NCAM2: variants seen among roughly 807,000 people sequenced by gnomAD.
NCAM2 encodes N-CAM-2.
In NCAM2, 30 loss-of-function variants were observed where a neutral mutation model predicts 98.1. The observed-to-expected ratio is 0.31, with a 90% confidence interval of 0.23 to 0.41. The LOEUF (loss-of-function observed/expected upper bound fraction) is 0.41. NCAM2 is among the 10% of genes least tolerant of loss of function. The pLI is 1.00. For missense variants in NCAM2, 867 were observed against 1,005.8 expected, an observed-to-expected ratio of 0.86 and a Z score of 1.87; for synonymous variants, 368 against 342.4, an observed-to-expected ratio of 1.07 and a Z score of -0.83.
chr21:21,242,825 T>C (rs1220861412), intron 1 of NCAM2, among the ~76,000 whole-genome samples: 2 of 152,214 alleles, frequency 1.3e-5, no homozygotes, highest in African/African-American at 4.8e-5. Context: ...ATCCATTTCT[T>C]TGTTATTTGT....
At chr21:21,201,135 A>T (rs2069204600) in intron 1 of NCAM2, among the ~76,000 whole-genome samples, 1 of 152,294 alleles carries the variant, frequency 6.6e-6, no homozygotes, top group African/African-American at 2.4e-5. Context: ...AAGTGAAACA[A>T]CTTTCCCATT....
intron 10 of NCAM2, among the ~76,000 whole-genome samples, chr21:21,414,374 T>C (rs568138083): frequency 7.2e-5 from 11 of 152,206 alleles, no homozygotes; most frequent in Non-Finnish European, 1.6e-4. Flanking sequence ...TGAATCCTTT[T>C]CAGAAGATTT....
At chr21:21,086,886 T>C (rs1482022063) in intron 1 of NCAM2, among the ~76,000 whole-genome samples, 1 of 151,770 alleles carries the variant, frequency 6.6e-6, no homozygotes, top group East Asian at 1.9e-4. Context: ...TTTTATTCAG[T>C]GTACTTATTA....
rs1355254571 is a variant in NCAM2, at chr21:21,542,541, A to G, written c.*4584A>G. 5 of 151,834 alleles carry G rather than the reference A, an allele frequency of 3.3e-5. No homozygotes were observed. The highest frequency in any genetic ancestry group is 5.9e-5 in the Non-Finnish European group (4 of 67,862). The allele number at this position is 151,834 out of a possible 1,614,324, so 9.4% of individuals were successfully genotyped here. ...CTACTTATTTTTTTTCTTTTCTGAA[A>G]TGAAAACATGAATCTTTTGGCATCT... is the stretch of plus-strand genomic sequence containing the variant. On this transcript the variant is annotated 3_prime_UTR_variant, in exon 18 of 18. Transcript: ENST00000400546.
intron 15 of NCAM2, 40 bp from the exon 16 acceptor site, chr21:21,508,808 CTTT>C (rs764097299): frequency 1.4e-3 from 559 of 412,948 alleles, no homozygotes; most frequent in African/African-American, 6.3e-3. Flanking sequence ...ACTTTTTTTC[CTTT>C]TTTTTTTTTT....
intron 8 of NCAM2, among the ~76,000 whole-genome samples, chr21:21,363,804 G>A (rs936614781): frequency 1.3e-5 from 2 of 152,002 alleles, no homozygotes; most frequent in Non-Finnish European, 1.5e-5. Flanking sequence ...CCCACACTGG[G>A]AAGGTGTTTT....
chr21:21,328,579 TA>T (rs138944464), intron 6 of NCAM2, among the ~76,000 whole-genome samples: 29,435 of 142,924 alleles, frequency 0.21, 2,999 homozygotes, highest in East Asian at 0.25. Flanking sequence ...TATCTTCCTT[TA>T]AAAAAAAAAA....
rs1382568482 is a variant in NCAM2 at position 21,538,258 on chromosome 21, G to A, written c.*301G>A. 5.4e-6 allele frequency: 1 copy of A among 184,492 alleles called. No homozygotes were observed. Among genetic ancestry groups the A allele is most frequent in the East Asian group, 1.3e-4 (1 of 7,532 alleles). The allele number at this position is 184,492 out of a possible 1,614,324, so 11.4% of individuals were successfully genotyped here. A position where few individuals can be genotyped will look rare whatever the true frequency, so the allele number is the denominator to read the frequency against. ...TACTGGAATTTATTATGTGGCTAAA[G>A]TGCTCTATTTATTAAGAACTATATT... On this transcript the variant is annotated 3_prime_UTR_variant, in exon 18 of 18. Transcript: ENST00000400546.
intron 9 of NCAM2, among the ~76,000 whole-genome samples, chr21:21,384,647 T>G (rs2148111450): frequency 6.6e-6 from 1 of 152,098 alleles, no homozygotes; most frequent in African/African-American, 2.4e-5. Flanking sequence ...TACAAGATTA[T>G]TACCTTCTAA....
At chr21:21,352,013 A>G (rs114217554) in intron 8 of NCAM2, among the ~76,000 whole-genome samples, 1,905 of 151,886 alleles carry the variant, frequency 0.013, 35 homozygotes, top group African/African-American at 0.044. Context: ...GCCTCCTCAA[A>G]TGCTGGGATT....
intron 17 of NCAM2, among the ~76,000 whole-genome samples, chr21:21,536,614 TCCTGACCTCATGTGATCCGCCCG>T (rs1334779271): frequency 6.6e-6 from 1 of 152,122 alleles, no homozygotes; most frequent in Non-Finnish European, 1.5e-5. Context: ...GGTCTCCAAC[TCCTGACCTCATGTGATCCGCCCG>T]CCTTGGCCTC....
intron 8 of NCAM2, among the ~76,000 whole-genome samples, chr21:21,359,887 T>C (rs1383722520): frequency 6.6e-6 from 1 of 151,930 alleles, no homozygotes; most frequent in African/African-American, 2.4e-5. Flanking sequence ...AGGTATGTGG[T>C]ATTCTAGTGA....
At chr21:21,462,203 A>G (rs1162388971) in intron 12 of NCAM2, among the ~76,000 whole-genome samples, 1 of 152,042 alleles carries the variant, frequency 6.6e-6, no homozygotes, top group Non-Finnish European at 1.5e-5. Context: ...GTTGTTGCAC[A>G]GTACTTGACA....
At chr21:21,240,371 C>T (rs2071016077) in intron 1 of NCAM2, among the ~76,000 whole-genome samples, 1 of 108,222 alleles carries the variant, frequency 9.2e-6, no homozygotes, top group Non-Finnish European at 1.9e-5. Flanking sequence ...TGCTAAAATG[C>T]TAAAAAAAAA....
At chr21:21,163,855 CA>C (rs1238220487) in intron 1 of NCAM2, among the ~76,000 whole-genome samples, 16 of 152,104 alleles carry the variant, frequency 1.1e-4, no homozygotes, top group African/African-American at 3.6e-4. Context: ...GACTGAAATA[CA>C]ATGCTATTTT....
intron 1 of NCAM2, among the ~76,000 whole-genome samples, chr21:21,079,091 T>TG (rs1411179349): frequency 2.0e-5 from 3 of 152,106 alleles, no homozygotes; most frequent in African/African-American, 7.2e-5. Flanking sequence ...CATGCAGGGC[T>TG]TAAAACCTCG....
chr21:21,537,247 G>A (rs916961606), intron 17 of NCAM2, among the ~76,000 whole-genome samples: 7 of 151,710 alleles, frequency 4.6e-5, no homozygotes, highest in African/African-American at 7.3e-5. Context: ...TGGTTTCACC[G>A]TTTTGGCCAG....
intron 1 of NCAM2, among the ~76,000 whole-genome samples, chr21:21,112,090 TACA>T (rs904427288): frequency 1.3e-5 from 2 of 152,230 alleles, no homozygotes; most frequent in Non-Finnish European, 2.9e-5. Flanking sequence ...AATTCTTTCA[TACA>T]ACATTTTAGT....
intron 9 of NCAM2, among the ~76,000 whole-genome samples, chr21:21,382,333 T>G (rs1003246871): frequency 2.6e-5 from 4 of 152,108 alleles, no homozygotes; most frequent in African/African-American, 9.7e-5. Context: ...TACACATATG[T>G]TATACCCTTT....
Sources: gnomAD v4.1 joint callset for allele counts (sites outside exome capture counted in the v4.1 genomes callset) on GRCh38, gnomAD v4.1.1 for gene constraint, MANE v1.5 for transcripts, NCBI Gene and HGNC (gene_info 2026-07-23, HGNC 2026-07-21) for gene names.